Variants in SLC25A21 observed in about 807,000 individuals in gnomAD.
SLC25A21 encodes the protein mitochondrial 2-oxodicarboxylate carrier.
In SLC25A21, 47 loss-of-function variants were observed where a neutral mutation model predicts 43.8. That is an observed-to-expected ratio of 1.07 (90% CI 0.85 to 1.37). The LOEUF (loss-of-function observed/expected upper bound fraction) is 1.37. SLC25A21 is among the 40% of genes most tolerant of loss of function. The pLI is 0.00. For synonymous variants in SLC25A21, 131 were observed against 121.3 expected (o/e 1.08, Z -0.52); for missense variants, 352 against 350.2 (o/e 1.00, Z -0.04).
intron 1 of SLC25A21, among the ~76,000 whole-genome samples, chr14:37,084,000 A>C (rs557841838): frequency 2.0e-4 from 30 of 152,312 alleles, no homozygotes; most frequent in African/African-American, 6.0e-4. Flanking sequence ...CATATCCTTT[A>C]AGCATGGTGA....
chr14:37,172,083 T>G (rs1594359563), intron 1 of SLC25A21, 198 bp downstream of exon 1: 1 of 568,618 alleles, frequency 1.8e-6, no homozygotes, highest in Non-Finnish European at 3.1e-6. Flanking sequence ...CAACTTTACT[T>G]GGGGCACCCA....
intron 1 of SLC25A21, among the ~76,000 whole-genome samples, chr14:37,161,726 C>T (rs1003021931): frequency 1.1e-4 from 17 of 151,550 alleles, no homozygotes; most frequent in African/African-American, 3.9e-4. Flanking sequence ...TTTGGGAGGC[C>T]GAGGCGGGCG....
chr14:36,726,708 C>G (rs1884616181), intron 5 of SLC25A21, among the ~76,000 whole-genome samples: 2 of 152,024 alleles, frequency 1.3e-5, no homozygotes. Context: ...ACACACAAGA[C>G]AGAAGAACAA....
At chr14:36,783,013 T>TA (rs1054509805) in intron 3 of SLC25A21, among the ~76,000 whole-genome samples, 52 of 145,860 alleles carry the variant, frequency 3.6e-4, no homozygotes, top group Admixed American at 8.8e-4. Flanking sequence ...AAATAAAAAA[T>TA]AAAAAAAAAA....
At chr14:36,998,718 A>T (rs1034750303) in intron 1 of SLC25A21, among the ~76,000 whole-genome samples, 1 of 151,428 alleles carries the variant, frequency 6.6e-6, no homozygotes, top group African/African-American at 2.4e-5. Flanking sequence ...AAAAAAAAAA[A>T]CCTAATTGAA....
At chr14:37,123,985 G>C (rs1963255088) in intron 1 of SLC25A21, among the ~76,000 whole-genome samples, 1 of 151,830 alleles carries the variant, frequency 6.6e-6, no homozygotes, top group African/African-American at 2.4e-5. Context: ...TTCAAATTAA[G>C]TTGGATTGGT....
intron 3 of SLC25A21, among the ~76,000 whole-genome samples, chr14:36,755,373 A>G (rs1035568332): frequency 3.3e-5 from 5 of 152,234 alleles, no homozygotes; most frequent in African/African-American, 9.6e-5. Context: ...TGAACCATAC[A>G]TGTATGCACA....
At chr14:36,926,076 G>A (rs954998324) in intron 1 of SLC25A21, among the ~76,000 whole-genome samples, 20 of 151,992 alleles carry the variant, frequency 1.3e-4, no homozygotes, top group African/African-American at 4.8e-4. Flanking sequence ...GTCTGTACAT[G>A]AAACATTTAC....
chr14:36,865,172 C>G (rs1338143249), intron 2 of SLC25A21, among the ~76,000 whole-genome samples: 3 of 152,046 alleles, frequency 2.0e-5, no homozygotes, highest in Admixed American at 6.6e-5. Context: ...CCCCTCCTCC[C>G]TGCTAGAGGA....
chr14:37,003,640 G>T (rs1430512707), intron 1 of SLC25A21, among the ~76,000 whole-genome samples: 1 of 152,188 alleles, frequency 6.6e-6, no homozygotes, highest in East Asian at 1.9e-4. Flanking sequence ...ATCATGTTGA[G>T]CAAAGCAGCC....
At chr14:37,077,571 C>A (rs1474435897) in intron 1 of SLC25A21, among the ~76,000 whole-genome samples, 2 of 152,128 alleles carry the variant, frequency 1.3e-5, no homozygotes, top group Non-Finnish European at 2.9e-5. Flanking sequence ...AAGGAGCAGA[C>A]CCCTCTATAA....
intron 1 of SLC25A21, among the ~76,000 whole-genome samples, chr14:36,923,676 AT>A (rs1892042903): frequency 6.6e-6 from 1 of 152,162 alleles, no homozygotes; most frequent in Non-Finnish European, 1.5e-5. Context: ...AAAAATGGAA[AT>A]ACAGTCAGCC....
chr14:36,933,952 A>G (rs1047565065), intron 1 of SLC25A21, among the ~76,000 whole-genome samples: 1 of 152,132 alleles, frequency 6.6e-6, no homozygotes, highest in African/African-American at 2.4e-5. Flanking sequence ...TCAGCACCAT[A>G]AGGTTCTCTG....
At chr14:36,930,959 T>A (rs1009638708) in intron 1 of SLC25A21, among the ~76,000 whole-genome samples, 2 of 152,158 alleles carry the variant, frequency 1.3e-5, no homozygotes. Context: ...ATCTAGCTCC[T>A]ATACATGCTT....
intron 2 of SLC25A21, among the ~76,000 whole-genome samples, chr14:36,866,464 A>G (rs1468549079): frequency 6.6e-6 from 1 of 152,148 alleles, no homozygotes; most frequent in African/African-American, 2.4e-5. Context: ...AAAATATGAA[A>G]GGGATATAAG....
intron 1 of SLC25A21, among the ~76,000 whole-genome samples, chr14:36,918,338 G>T (rs1174602322): frequency 6.6e-6 from 1 of 152,114 alleles, no homozygotes; most frequent in Non-Finnish European, 1.5e-5. Context: ...AGTGATCAAG[G>T]GCTGGTGTAT....
At chr14:37,027,578 C>T (rs1445452730) in intron 1 of SLC25A21, among the ~76,000 whole-genome samples, 2 of 152,140 alleles carry the variant, frequency 1.3e-5, no homozygotes, top group African/African-American at 2.4e-5. Context: ...ACAGTAGCTC[C>T]GGAGTGTGCT....
At chr14:37,105,626 A>T (rs1277496261) in intron 1 of SLC25A21, among the ~76,000 whole-genome samples, 2 of 152,224 alleles carry the variant, frequency 1.3e-5, no homozygotes, top group African/African-American at 4.8e-5. Context: ...CCATTCCAAA[A>T]GGTGAAAGCA....
chr14:36,766,031 C>CT (rs11423214), intron 3 of SLC25A21, among the ~76,000 whole-genome samples: 58,500 of 149,656 alleles, frequency 0.39, 11,753 homozygotes, highest in East Asian at 0.69. Flanking sequence ...TCATTCCCTT[C>CT]TTTTTTTTTT....
Sources: gnomAD v4.1 joint callset for allele counts (sites outside exome capture counted in the v4.1 genomes callset) on GRCh38, gnomAD v4.1.1 for gene constraint, MANE v1.5 for transcripts, NCBI Gene and HGNC (gene_info 2026-07-23, HGNC 2026-07-21) for gene names.